Variants in CAB39L observed in about 807,000 individuals in gnomAD.
The protein encoded by CAB39L is calcium binding protein 39 like, also known as calcium-binding protein 39-like.
A neutral mutation model predicts 39.1 loss-of-function variants in CAB39L; 23 were observed. That is an observed-to-expected ratio of 0.59 (90% CI 0.42 to 0.83). The LOEUF (loss-of-function observed/expected upper bound fraction) is 0.83. Ranked by LOEUF, CAB39L falls within the 40% of genes least tolerant of loss-of-function variation. CAB39L has a pLI of 0.00. For synonymous variants in CAB39L, 126 were observed against 137.2 expected (o/e 0.92, Z 0.57); for missense variants, 366 against 391.9 (o/e 0.93, Z 0.56).
chr13:49,424,129 A>G (rs1254647761), intron 3 of CAB39L, among the ~76,000 whole-genome samples: 2 of 152,208 alleles, frequency 1.3e-5, no homozygotes, highest in Non-Finnish European at 2.9e-5. Context: ...CCCTGAGTGT[A>G]AGTTATAGAT....
At chr13:49,428,733 T>C (rs776649871) in intron 3 of CAB39L, among the ~76,000 whole-genome samples, 3 of 152,152 alleles carry the variant, frequency 2.0e-5, no homozygotes, top group Admixed American at 6.5e-5. Flanking sequence ...AATAAAACAG[T>C]TACCCACTAA....
At chr13:49,331,839 A>T in intron 10 of CAB39L, 108 bp downstream of exon 10, 1 of 1,021,440 alleles carries the variant, frequency 9.8e-7, no homozygotes, top group Non-Finnish European at 1.5e-6. Context: ...AAGACTGCCT[A>T]TTTCATTTTC....
rs1293971456 is a variant in CAB39L, at chr13:49,378,361, T to TG, written c.112-1231dup. Among the ~76,000 whole-genome samples the TG allele has an allele frequency of 2.6e-4, 12 of 45,896 alleles. 5 individuals carry two copies. Among genetic ancestry groups the TG allele is most frequent in the Non-Finnish European group, 4.0e-4 (10 of 25,196 alleles). 30.1% of individuals were successfully genotyped at this position (45,896 alleles called of 152,430 possible). On this transcript the variant is annotated intron_variant, in intron 4 of 10. Coordinates refer to ENST00000409308, the MANE Select transcript of CAB39L (RefSeq NM_001079670.3). ...CCAGCCGTGCCATCCGGGAGGGAGGTGGGGGGGTCAGCCCCCCACCTGGCC... is the reference window on the plus strand; with the variant it reads ...CCAGCCGTGCCATCCGGGAGGGAGGTGGGGGGGGTCAGCCCCCCACCTGGCC...
chr13:49,310,576 A>T lies in CAB39L; in HGVS notation c.*238T>A. ...CTGCAAGTTAAAATTGCTTTTATCA[A>T]CATCTGATACAATGGTTCTCATTTC... is the stretch of plus-strand genomic sequence containing the variant. On this transcript the variant is annotated 3_prime_UTR_variant, in exon 11 of 11. Coordinates refer to ENST00000409308, the MANE Select transcript of CAB39L (RefSeq NM_001079670.3). 1 of 381,446 alleles carries T rather than the reference A, an allele frequency of 2.6e-6. No homozygotes were observed. The highest frequency in any genetic ancestry group is 4.7e-6 in the Non-Finnish European group (1 of 213,588). 23.6% of individuals were successfully genotyped at this position (381,446 alleles called of 1,614,324 possible).
intron 3 of CAB39L, among the ~76,000 whole-genome samples, chr13:49,429,391 CA>C (rs1409184204): frequency 2.0e-5 from 3 of 152,164 alleles, no homozygotes; most frequent in African/African-American, 7.2e-5. Flanking sequence ...CTGCACCCAG[CA>C]AAAAATTATC....
At chr13:49,340,366 C>T (rs907419252) in intron 8 of CAB39L, among the ~76,000 whole-genome samples, 2 of 152,148 alleles carry the variant, frequency 1.3e-5, no homozygotes, top group Non-Finnish European at 2.9e-5. Context: ...GGTGTGGGCA[C>T]ACAGCTCATA....
At chr13:49,316,710 T>G (rs1447507256) in intron 10 of CAB39L, among the ~76,000 whole-genome samples, 1 of 152,208 alleles carries the variant, frequency 6.6e-6, no homozygotes, top group African/African-American at 2.4e-5. Context: ...TGTACTGGGT[T>G]AAACTGTGTT....
intron 6 of CAB39L, 170 bp from the exon 7 acceptor site, chr13:49,351,082 A>G: frequency 2.4e-6 from 1 of 423,536 alleles, no homozygotes; most frequent in East Asian, 3.7e-5. Flanking sequence ...ACTATTGCAG[A>G]CGTATTCTGG....
At chr13:49,333,275 C>T (rs1325661079) in intron 9 of CAB39L, among the ~76,000 whole-genome samples, 1 of 152,216 alleles carries the variant, frequency 6.6e-6, no homozygotes, top group East Asian at 1.9e-4. Context: ...CCTCCTTCAT[C>T]TTTCTGCAGC....
intron 10 of CAB39L, among the ~76,000 whole-genome samples, chr13:49,317,910 T>A (rs1954208865): frequency 1.3e-5 from 2 of 151,850 alleles, no homozygotes; most frequent in South Asian, 2.1e-4. Context: ...TCTTACAACT[T>A]AACAACAACA....
intron 3 of CAB39L, among the ~76,000 whole-genome samples, chr13:49,423,960 G>A (rs1566134182): frequency 6.6e-6 from 1 of 152,174 alleles, no homozygotes; most frequent in Non-Finnish European, 1.5e-5. Flanking sequence ...GAAAGAAAAA[G>A]GGAGCAACTT....
At chr13:49,330,680 T>A (rs1291348123) in intron 10 of CAB39L, among the ~76,000 whole-genome samples, 2 of 149,802 alleles carry the variant, frequency 1.3e-5, no homozygotes, top group Non-Finnish European at 3.0e-5. Context: ...TTTATTTTTT[T>A]ATTTATTATA....
chr13:49,357,628 T>C (rs563473246), intron 6 of CAB39L, among the ~76,000 whole-genome samples: 1 of 152,352 alleles, frequency 6.6e-6, no homozygotes, highest in East Asian at 1.9e-4. Context: ...TACTTTTGAA[T>C]TGGAAAGAAA....
At position 49,325,851 on chromosome 13, in the gene CAB39L, C is replaced by T. The variant is rs755289245; in HGVS notation, c.834+6096G>A. Among the ~76,000 whole-genome samples, 34 of 152,204 alleles carry T rather than the reference C, an allele frequency of 2.2e-4. No individual in the cohort carries two copies. In the Middle Eastern group the frequency reaches 0.01, roughly 46 times the overall value. ...GGTCCTTAAGGAAGTGAGTAATTCA[C>T]GGTTAGTCCTTCACTAAATTCATCT... is the stretch of plus-strand genomic sequence containing the variant. On this transcript the variant is annotated intron_variant, in intron 10 of 10. Coordinates refer to ENST00000409308, the MANE Select transcript of CAB39L (RefSeq NM_001079670.3).
chr13:49,334,080 A>C (rs1404415330), intron 9 of CAB39L, among the ~76,000 whole-genome samples: 2 of 151,638 alleles, frequency 1.3e-5, no homozygotes, highest in Non-Finnish European at 2.9e-5. Context: ...AGACCTACCA[A>C]TTTTCTGTTT....
chr13:49,322,893 C>T (rs1173259154), intron 10 of CAB39L, among the ~76,000 whole-genome samples: 1 of 152,228 alleles, frequency 6.6e-6, no homozygotes, highest in African/African-American at 2.4e-5. Flanking sequence ...TAGTCACTCT[C>T]CGCAGCCTAT....
chr13:49,376,676 A>G (rs1277600254), intron 5 of CAB39L, among the ~76,000 whole-genome samples: 1 of 152,212 alleles, frequency 6.6e-6, no homozygotes, highest in Non-Finnish European at 1.5e-5. Flanking sequence ...AACGAGTTGA[A>G]TGCTTGAAAC....
At chr13:49,395,231 T>G (rs1797096776) in intron 3 of CAB39L, among the ~76,000 whole-genome samples, 1 of 151,422 alleles carries the variant, frequency 6.6e-6, no homozygotes, top group Non-Finnish European at 1.5e-5. Flanking sequence ...GTCATGTCTT[T>G]TCTTTCTTTT....
intron 9 of CAB39L, among the ~76,000 whole-genome samples, chr13:49,332,562 T>C (rs753790375): frequency 7.9e-5 from 12 of 152,068 alleles, no homozygotes; most frequent in Non-Finnish European, 1.2e-4. Context: ...AAACCTGATA[T>C]AAAGTCAGAA....
Sources: allele counts gnomAD v4.1 joint callset (sites outside exome capture counted in the v4.1 genomes callset), GRCh38; gene constraint gnomAD v4.1.1; transcripts MANE v1.5; gene names NCBI Gene and HGNC (gene_info 2026-07-23, HGNC 2026-07-21).